Variants in FAT3 observed in about 807,000 individuals in gnomAD.
FAT3 encodes protocadherin Fat 3.
FAT3 carries 95 observed loss-of-function variants against 310.2 expected under a neutral mutation model. That is an observed-to-expected ratio of 0.31 (90% CI 0.26 to 0.36). FAT3 has a LOEUF of 0.36. FAT3 is among the 10% of genes least tolerant of loss of function. The pLI, the probability that FAT3 is intolerant of heterozygous loss-of-function variation, is 1.00. For synonymous variants in FAT3, 2,314 were observed against 2,192.9 expected, an observed-to-expected ratio of 1.06 and a Z score of -1.54; for missense variants, 5,408 against 5,715.6, an observed-to-expected ratio of 0.95 and a Z score of 1.74.
intron 2 of FAT3, among the ~76,000 whole-genome samples, chr11:92,449,410 G>A (rs564473639): frequency 6.6e-6 from 1 of 152,052 alleles, no homozygotes; most frequent in Admixed American, 6.6e-5. Flanking sequence ...CAGTGGAATC[G>A]GGTTCCCTAT....
intron 3 of FAT3, among the ~76,000 whole-genome samples, chr11:92,548,728 G>A (rs1434899435): frequency 6.6e-6 from 1 of 152,164 alleles, no homozygotes; most frequent in African/African-American, 2.4e-5. Context: ...TTCTGAAAAA[G>A]TCTTTTGTTT....
intron 2 of FAT3, among the ~76,000 whole-genome samples, chr11:92,507,503 G>A (rs1356863339): frequency 6.6e-6 from 1 of 151,430 alleles, no homozygotes; most frequent in African/African-American, 2.4e-5. Context: ...ACACATATAT[G>A]TACACATATA....
intron 2 of FAT3, among the ~76,000 whole-genome samples, chr11:92,445,754 G>A (rs1951194183): frequency 6.6e-6 from 1 of 152,088 alleles, no homozygotes; most frequent in Non-Finnish European, 1.5e-5. Context: ...GGGGGTGCAG[G>A]GGAGCAGGTG....
At chr11:92,692,648 A>G (rs1400667167) in intron 3 of FAT3, among the ~76,000 whole-genome samples, 1 of 152,196 alleles carries the variant, frequency 6.6e-6, no homozygotes, top group South Asian at 2.1e-4. Context: ...TTCACATAGA[A>G]AGTAACAACT....
chr11:92,490,564 G>C (rs1395705645), intron 2 of FAT3, among the ~76,000 whole-genome samples: 1 of 151,912 alleles, frequency 6.6e-6, no homozygotes, highest in Non-Finnish European at 1.5e-5. Flanking sequence ...TTGTCTGCTT[G>C]TTTTTTGCTG....
At chr11:92,634,480 A>C (rs1941682366) in intron 3 of FAT3, among the ~76,000 whole-genome samples, 1 of 152,160 alleles carries the variant, frequency 6.6e-6, no homozygotes, top group South Asian at 2.1e-4. Context: ...CTCCATCTTC[A>C]CTCAGCTGGA....
Position 92,705,785 on chromosome 11 carries a change from G to GCT in FAT3, c.3669+8340_3669+8341insCT, listed in dbSNP as rs1406280042. 9.0e-5 allele frequency among the ~76,000 whole-genome samples: 13 copies of GCT among 143,686 alleles called. 1 individual carries two copies. Among genetic ancestry groups the GCT allele is most frequent in the Non-Finnish European group, 1.7e-4 (11 of 66,416 alleles). 94.3% of individuals were successfully genotyped at this position (143,686 alleles called of 152,430 possible). ...ATGGTGTGATGGTGGTGGTGATGGT[G>GCT]GTGGTGTGATGGTGTTGGTGTTGGT... On this transcript the variant is annotated intron_variant, in intron 4 of 27. Coordinates refer to ENST00000525166, the MANE Select transcript of FAT3 (RefSeq NM_001367949.2).
At chr11:92,330,637 G>C (rs575852581) in intron 1 of FAT3, among the ~76,000 whole-genome samples, 1 of 152,136 alleles carries the variant, frequency 6.6e-6, no homozygotes, top group Non-Finnish European at 1.5e-5. Context: ...GCTGTATTGC[G>C]TGGGTTTTGA....
At chr11:92,356,474 C>T (rs1190730294) in intron 2 of FAT3, among the ~76,000 whole-genome samples, 1 of 152,146 alleles carries the variant, frequency 6.6e-6, no homozygotes, top group African/African-American at 2.4e-5. Flanking sequence ...ATTTATTTCT[C>T]ATAGTTCGGG....
At chr11:92,879,627 C>T (rs761939093) in intron 22 of FAT3, among the ~76,000 whole-genome samples, 23 of 152,124 alleles carry the variant, frequency 1.5e-4, no homozygotes, top group Non-Finnish European at 2.4e-4. Context: ...ATAATGCAAA[C>T]ACTGCATTGA....
At chr11:92,368,833 C>CATATATATATATATATATAT (rs778237959) in intron 2 of FAT3, among the ~76,000 whole-genome samples, 220 of 140,930 alleles carry the variant, frequency 1.6e-3, no homozygotes, top group African/African-American at 4.6e-3. Context: ...TGTGTGTATA[C>CATATATATATATATATATAT]ATATATATAT....
At chr11:92,238,889 T>C (rs1054354722) in intron 1 of FAT3, among the ~76,000 whole-genome samples, 11 of 152,150 alleles carry the variant, frequency 7.2e-5, no homozygotes, top group African/African-American at 2.7e-4. Context: ...GATAGTAGAC[T>C]ATCAAAAAAG....
intron 1 of FAT3, among the ~76,000 whole-genome samples, chr11:92,293,013 A>AAAGGAAGGAAGGAAGGAAGGAAGG (rs71477581): frequency 1.8e-5 from 2 of 110,372 alleles, no homozygotes; most frequent in Non-Finnish European, 1.8e-5. Context: ...GAGACTCTGC[A>AAAGGAAGGAAGGAAGGAAGGAAGG]AAGGAAGGAA....
chr11:92,442,111 A>ATATATTTTTTTTTTTTTTTTTTT (rs1453396603), intron 2 of FAT3, among the ~76,000 whole-genome samples: 1 of 45,222 alleles, frequency 2.2e-5, no homozygotes, highest in Non-Finnish European at 3.1e-5. Context: ...ATATATATAT[A>ATATATTTTTTTTTTTTTTTTTTT]TTTTTTTTTT....
intron 14 of FAT3, among the ~76,000 whole-genome samples, chr11:92,834,452 G>A (rs2136268052): frequency 6.6e-6 from 1 of 152,314 alleles, no homozygotes; most frequent in Admixed American, 6.5e-5. Flanking sequence ...TTTACTTGCT[G>A]ACAAGAATGA....
At chr11:92,501,472 T>C (rs147219481) in intron 2 of FAT3, among the ~76,000 whole-genome samples, 163 of 152,208 alleles carry the variant, frequency 1.1e-3, no homozygotes, top group Non-Finnish European at 2.1e-3. Flanking sequence ...ATAGGCTGTC[T>C]ATTAATAGCA....
intron 21 of FAT3, 42 bp downstream of exon 21, chr11:92,859,364 G>A: frequency 1.4e-6 from 2 of 1,480,022 alleles, no homozygotes; most frequent in Non-Finnish European, 1.8e-6. Context: ...CAGTTCTCAT[G>A]TTAGTGTTTT....
chr11:92,883,468 G>A lies in FAT3; in HGVS notation c.12937+75G>A, dbSNP rs1949724929. 1 of 1,511,968 alleles carries A rather than the reference G, an allele frequency of 6.6e-7. No individual in the cohort carries two copies. The highest frequency in any genetic ancestry group is 2.3e-5 in the East Asian group (1 of 43,140). 93.7% of individuals were successfully genotyped at this position (1,511,968 alleles called of 1,614,324 possible). On this transcript the variant is annotated intron_variant, in intron 24 of 27. Transcript: ENST00000525166. The surrounding 1 kb of genome is among the most constrained non-coding windows in gnomAD (Gnocchi z 4.2). Reference sequence around the variant, plus strand: ...CAGGGGCGCTGTGCGAGGACGCTACGGGAAGGGAGAGAGACCCCGCATGCA... The same window carrying A: ...CAGGGGCGCTGTGCGAGGACGCTACAGGAAGGGAGAGAGACCCCGCATGCA...
At chr11:92,467,563 G>A (rs1472200658) in intron 2 of FAT3, among the ~76,000 whole-genome samples, 1 of 152,006 alleles carries the variant, frequency 6.6e-6, no homozygotes, top group Non-Finnish European at 1.5e-5. Flanking sequence ...AATTTAAATA[G>A]TTTTATCATG....
Sources: gnomAD v4.1 joint callset for allele counts (sites outside exome capture counted in the v4.1 genomes callset) on GRCh38, gnomAD v4.1.1 for gene constraint, Gnocchi (gnomAD v3.1) non-coding constraint, MANE v1.5 for transcripts, NCBI Gene and HGNC (gene_info 2026-07-23, HGNC 2026-07-21) for gene names.